FRMD3: variants seen among roughly 807,000 people sequenced by gnomAD.
FRMD3 encodes FERM domain containing 3.
A neutral mutation model predicts 70.2 loss-of-function variants in FRMD3; 33 were observed. The observed-to-expected ratio is 0.47, with a 90% CI of 0.36 to 0.63. The LOEUF is 0.63. Ranked by LOEUF, FRMD3 falls within the 20% of genes least tolerant of loss-of-function variation. FRMD3 has a pLI of 0.00. For missense variants in FRMD3, 632 were observed against 711.4 expected, an observed-to-expected ratio of 0.89 and a Z score of 1.27; for synonymous variants, 279 against 255.9, an observed-to-expected ratio of 1.09 and a Z score of -0.86.
intron 4 of FRMD3, among the ~76,000 whole-genome samples, chr9:83,345,540 G>A (rs550266386): frequency 2.0e-5 from 3 of 151,936 alleles, no homozygotes; most frequent in Admixed American, 6.6e-5. Flanking sequence ...GGTGGATCAC[G>A]AGGTCAACAG....
At chr9:83,463,146 G>T (rs1331150356) in intron 1 of FRMD3, among the ~76,000 whole-genome samples, 1 of 152,160 alleles carries the variant, frequency 6.6e-6, no homozygotes, top group African/African-American at 2.4e-5. Context: ...GAGCCAATCA[G>T]CAAGCATTTT....
chr9:83,347,595 C>T (rs10746702), intron 4 of FRMD3, among the ~76,000 whole-genome samples: 47,454 of 152,034 alleles, frequency 0.31, 7,774 homozygotes, highest in Non-Finnish European at 0.35. Flanking sequence ...TCAAATATCA[C>T]TTTTGTGGTT....
At chr9:83,451,817 C>T (rs1000113120) in intron 1 of FRMD3, among the ~76,000 whole-genome samples, 2 of 152,156 alleles carry the variant, frequency 1.3e-5, no homozygotes, top group African/African-American at 2.4e-5. Flanking sequence ...GAATTATTAA[C>T]AACTATTAAT....
intron 4 of FRMD3, among the ~76,000 whole-genome samples, chr9:83,347,097 T>C (rs747041587): frequency 1.4e-4 from 21 of 152,244 alleles, no homozygotes; most frequent in Non-Finnish European, 2.8e-4. Flanking sequence ...TAACTATTTA[T>C]TGATAAATGA....
intron 1 of FRMD3, among the ~76,000 whole-genome samples, chr9:83,393,840 C>G (rs547062082): frequency 2.0e-5 from 3 of 152,200 alleles, no homozygotes; most frequent in Admixed American, 1.3e-4. Context: ...CAGCTCAGTT[C>G]TGAGGCCCGG....
intron 3 of FRMD3, among the ~76,000 whole-genome samples, chr9:83,357,245 ACATATATATATAT>A (rs1564032571): frequency 0.035 from 226 of 6,482 alleles, 31 homozygotes; most frequent in African/African-American, 0.11. Context: ...TATAATACAT[ACATATATATATAT>A]ATATATATAT....
At chr9:83,488,844 T>A (rs543577094) in intron 1 of FRMD3, among the ~76,000 whole-genome samples, 1 of 152,230 alleles carries the variant, frequency 6.6e-6, no homozygotes, top group South Asian at 2.1e-4. Context: ...CCACATTAAA[T>A]AATGAAGAAA....
chr9:83,479,699 A>AGAAG (rs1828503818), intron 1 of FRMD3, among the ~76,000 whole-genome samples: 1 of 75,884 alleles, frequency 1.3e-5, no homozygotes, highest in East Asian at 2.9e-4. Context: ...AAAGAAAGAA[A>AGAAG]GAAAGAAAGA....
chr9:83,408,727 T>G (rs1826195966), intron 1 of FRMD3, among the ~76,000 whole-genome samples: 1 of 152,242 alleles, frequency 6.6e-6, no homozygotes, highest in Admixed American at 6.5e-5. Flanking sequence ...ATTCTGCCTC[T>G]CAGGTTGAGC....
intron 13 of FRMD3, chr9:83,267,168 C>T (rs964143254): frequency 1.4e-5 from 22 of 1,550,420 alleles, no homozygotes; most frequent in Non-Finnish European, 1.8e-5. Flanking sequence ...TTGGTCTCCT[C>T]GGCCTGCATG....
rs540302006 is a variant in FRMD3 at position 83,532,122 on chromosome 9, C to A, written c.147+5963G>T. On this transcript the variant is annotated intron_variant, in intron 1 of 13. Transcript: ENST00000304195. ...ACATATAATCCTTATTTAATCCTTA[C>A]AAAAAGTCCATGAGGGCTATGTTAT... Among the ~76,000 whole-genome samples the A allele has an allele frequency of 5.9e-5, 9 of 152,292 alleles. No individual in the cohort carries two copies. In the South Asian group the frequency reaches 1.7e-3, roughly 28 times the overall value.
chr9:83,544,899 G>A, the FRMD3 span, among the ~76,000 whole-genome samples: 1 of 152,014 alleles, frequency 6.6e-6, no homozygotes, highest in Non-Finnish European at 1.5e-5. Context: ...CCAAACAAAA[G>A]TAAATTCAAA....
At chr9:83,564,492 C>T in the FRMD3 span, among the ~76,000 whole-genome samples, 1 of 152,200 alleles carries the variant, frequency 6.6e-6, no homozygotes, top group South Asian at 2.1e-4. Flanking sequence ...CAACCTGACA[C>T]CTGAATATGG....
At chr9:83,496,046 G>A (rs1828934950) in intron 1 of FRMD3, among the ~76,000 whole-genome samples, 1 of 152,198 alleles carries the variant, frequency 6.6e-6, no homozygotes, top group Non-Finnish European at 1.5e-5. Context: ...TAGTACTTTA[G>A]AAGTATGAGA....
chr9:83,259,703 G>T (rs779365843), intron 13 of FRMD3, among the ~76,000 whole-genome samples: 6 of 152,168 alleles, frequency 3.9e-5, no homozygotes, highest in Non-Finnish European at 8.8e-5. Context: ...GGACCTGAAA[G>T]TATGACAACC....
chr9:83,485,880 T>C (rs557985618), intron 1 of FRMD3, among the ~76,000 whole-genome samples: 1 of 152,048 alleles, frequency 6.6e-6, no homozygotes, highest in African/African-American at 2.4e-5. Flanking sequence ...GAAATTCTCT[T>C]CCAGGTCAAT....
intron 1 of FRMD3, among the ~76,000 whole-genome samples, chr9:83,490,798 T>TCTCACACACA (rs752047493): frequency 1.6e-4 from 18 of 110,780 alleles, no homozygotes; most frequent in African/African-American, 2.6e-4. Flanking sequence ...TCTCTCTCTC[T>TCTCACACACA]CACACACACA....
chr9:83,422,182 G>A (rs1826666481), intron 1 of FRMD3, among the ~76,000 whole-genome samples: 1 of 151,864 alleles, frequency 6.6e-6, no homozygotes, highest in Non-Finnish European at 1.5e-5. Flanking sequence ...CCAAGATTGT[G>A]CCACTGCACT....
At position 83,447,356 on chromosome 9, in the gene FRMD3, G is replaced by A. The variant is rs114347583; in HGVS notation, c.148-57648C>T. Reference sequence around the variant, plus strand: ...GTTTCTAAGTCCCCATGTTTGAGGAGCTCCTGCAATGACAGCAGGGAAACT... The same window carrying A: ...GTTTCTAAGTCCCCATGTTTGAGGAACTCCTGCAATGACAGCAGGGAAACT... On this transcript the variant is annotated intron_variant, in intron 1 of 13. Transcript: ENST00000304195. Among the ~76,000 whole-genome samples the A allele has an allele frequency of 8.0e-3, 1,215 of 152,320 alleles. 22 individuals carry two copies. The highest frequency in any genetic ancestry group is 0.028 in the African/African-American group (1,157 of 41,576).
Sources: gnomAD v4.1 joint callset for allele counts (sites outside exome capture counted in the v4.1 genomes callset) on GRCh38, gnomAD v4.1.1 for gene constraint, MANE v1.5 for transcripts, NCBI Gene and HGNC (gene_info 2026-07-23, HGNC 2026-07-21) for gene names.